Variants in PCOLCE2 observed in about 807,000 individuals in gnomAD.
PCOLCE2 encodes procollagen C-endopeptidase enhancer 2.
Under a neutral mutation model 47.0 loss-of-function variants are expected in PCOLCE2, and 42 were observed. The ratio of observed to expected loss-of-function variants is 0.89; its 90% confidence interval spans 0.70 to 1.16. The LOEUF is 1.16. Among genes scored for constraint, PCOLCE2 ranks in the 50% most tolerant of loss-of-function variants. PCOLCE2 has a pLI of 0.00. For missense variants in PCOLCE2, 500 were observed against 526.1 expected (o/e 0.95, Z 0.49); for synonymous variants, 169 against 191.7 (o/e 0.88, Z 0.98).
At chr3:142,869,269 C>T (rs1302339685) in intron 2 of PCOLCE2, among the ~76,000 whole-genome samples, 3 of 150,552 alleles carry the variant, frequency 2.0e-5, no homozygotes, top group Non-Finnish European at 4.4e-5. Context: ...CCAGCCTGGG[C>T]GACAGAGTGA....
chr3:142,879,970 C>CAAAAA (rs772887718), intron 2 of PCOLCE2, among the ~76,000 whole-genome samples: 1 of 53,520 alleles, frequency 1.9e-5, no homozygotes, highest in Admixed American at 2.0e-4. Flanking sequence ...GACTCCATCT[C>CAAAAA]AAAAAAAAAA....
chr3:142,836,282 T>C (rs915816336), intron 5 of PCOLCE2, among the ~76,000 whole-genome samples: 1 of 152,190 alleles, frequency 6.6e-6, no homozygotes, highest in African/African-American at 2.4e-5. Context: ...AGCTTACTTA[T>C]ATTGGTGTCA....
intron 2 of PCOLCE2, among the ~76,000 whole-genome samples, chr3:142,863,144 C>T (rs1025922589): frequency 4.2e-5 from 6 of 143,046 alleles, no homozygotes; most frequent in Admixed American, 1.4e-4. Context: ...TTTAATTTCA[C>T]AGCAGGCATT....
At chr3:142,880,399 T>C (rs1933590408) in intron 2 of PCOLCE2, among the ~76,000 whole-genome samples, 1 of 151,524 alleles carries the variant, frequency 6.6e-6, no homozygotes, top group Non-Finnish European at 1.5e-5. Context: ...GTTACAGTAA[T>C]TTTAGAACCC....
chr3:142,821,171 T>C, intron 7 of PCOLCE2, 126 bp from the exon 8 acceptor site: 1 of 708,920 alleles, frequency 1.4e-6, no homozygotes, highest in Non-Finnish European at 2.3e-6. Flanking sequence ...AAGGCCCTCA[T>C]AGAGGTTTCA....
In PCOLCE2 at chr3:142,848,425, G is replaced by C. The variant is rs201403616; in HGVS notation, c.240C>G (p.Leu80=). ...VVVLNFRFID[L]ESDNLCRYDF... is the part of the protein sequence containing the mutation. Reference sequence around the variant, plus strand: ...CATAGCGGCACAGGTTGTCACTCTCGAGGTCTATGAATCGGAAATTGAGAA... The same window carrying C: ...CATAGCGGCACAGGTTGTCACTCTCCAGGTCTATGAATCGGAAATTGAGAA... Residue 80 remains leucine (L), a synonymous_variant, in exon 3 of 9, where the codon CTC becomes CTG. Transcript: ENST00000295992. The C allele has an allele frequency of 6.3e-5, 102 of 1,608,598 alleles. No homozygotes were observed. The highest frequency in any genetic ancestry group is 8.3e-5 in the Non-Finnish European group (97 of 1,175,444).
chr3:142,870,159 A>G (rs886833137), intron 2 of PCOLCE2, among the ~76,000 whole-genome samples: 10 of 152,206 alleles, frequency 6.6e-5, no homozygotes, highest in Admixed American at 6.5e-4. Flanking sequence ...ACTCAAAATA[A>G]CAGGCTGTCA....
chr3:142,848,076 G>A (rs572649516), intron 3 of PCOLCE2, 141 bp downstream of exon 3: 15 of 747,520 alleles, frequency 2.0e-5, no homozygotes, highest in African/African-American at 7.0e-5. Flanking sequence ...CTGATTTTTT[G>A]TATTGGTCTC....
chr3:142,840,805 G>A (rs1475720634), intron 4 of PCOLCE2, among the ~76,000 whole-genome samples: 1 of 152,158 alleles, frequency 6.6e-6, no homozygotes, highest in Non-Finnish European at 1.5e-5. Context: ...GCTGGGCGTG[G>A]TGGCTCACGC....
chr3:142,882,751 T>A (rs1407804831), intron 2 of PCOLCE2, among the ~76,000 whole-genome samples: 1 of 151,786 alleles, frequency 6.6e-6, no homozygotes. Flanking sequence ...GGCCAGATCA[T>A]CGCCTTTTAA....
chr3:142,821,007 C>T lies in PCOLCE2; in HGVS notation c.988G>A (p.Gly330Arg). ...GTVITTITRD[G>R]SLHATVSIIN... ...ATCGAGACTGTGGCGTGCAAACTCC[C>T]ATCGCGAGTGATGGTTGTGATAACA... The change falls in exon 8 of 9, where the codon GGG becomes AGG. Residue 330 changes from glycine (G) to arginine (R), a missense_variant. Gly to Arg is a moderately radical substitution (Grantham distance 125). Coordinates refer to ENST00000295992, the MANE Select transcript of PCOLCE2 (RefSeq NM_013363.4). 1 of 1,613,572 alleles carries T rather than the reference C, an allele frequency of 6.2e-7. No homozygotes were observed. Among genetic ancestry groups the T allele is most frequent in the Non-Finnish European group, 8.5e-7 (1 of 1,179,568 alleles).
intron 2 of PCOLCE2, among the ~76,000 whole-genome samples, chr3:142,861,092 C>CT (rs1933174119): frequency 6.6e-6 from 1 of 152,336 alleles, no homozygotes; most frequent in Non-Finnish European, 1.5e-5. Flanking sequence ...CTGTACTCAA[C>CT]ACTTGTCTGC....
chr3:142,850,727 G>T (rs1328708768), intron 2 of PCOLCE2, among the ~76,000 whole-genome samples: 1 of 152,180 alleles, frequency 6.6e-6, no homozygotes, highest in Non-Finnish European at 1.5e-5. Context: ...ATGAGAAAAT[G>T]GGGTGAGAGG....
At chr3:142,868,777 C>T (rs1314410567) in intron 2 of PCOLCE2, among the ~76,000 whole-genome samples, 6 of 152,322 alleles carry the variant, frequency 3.9e-5, no homozygotes, top group Admixed American at 6.5e-5. Context: ...ATAAGAACCC[C>T]TTCCCCTCCC....
Position 142,838,792 on chromosome 3 carries a change from A to G in PCOLCE2, c.688T>C (p.Tyr230His). The G allele has an allele frequency of 6.2e-7, 1 of 1,613,780 alleles. No homozygotes were observed. ...EVNDARRIGKYCGDSPPAPIV... is the reference protein window; with the variant it reads ...EVNDARRIGKHCGDSPPAPIV... ...TACGCAGGTGGACTATCACCACAAT[A>G]CTTTCCAATTCTTCTAGCATCGTTG... The change falls in exon 5 of 9, where the codon TAT becomes CAT. Residue 230 changes from tyrosine to histidine, a missense_variant. Coordinates refer to ENST00000295992, the MANE Select transcript of PCOLCE2 (RefSeq NM_013363.4).
intron 6 of PCOLCE2, 118 bp downstream of exon 6, chr3:142,829,574 G>A: frequency 1.4e-6 from 1 of 718,742 alleles, no homozygotes; most frequent in Non-Finnish European, 2.2e-6. Flanking sequence ...TCTTACCAAA[G>A]CTTTCATCCT....
chr3:142,858,517 C>T (rs932767377), intron 2 of PCOLCE2, among the ~76,000 whole-genome samples: 23 of 152,176 alleles, frequency 1.5e-4, no homozygotes, highest in African/African-American at 4.1e-4. Flanking sequence ...CATATATGTG[C>T]GTGCGTGTGT....
At chr3:142,857,876 C>G (rs1560137141) in intron 2 of PCOLCE2, among the ~76,000 whole-genome samples, 1 of 152,342 alleles carries the variant, frequency 6.6e-6, no homozygotes, top group East Asian at 1.9e-4. Flanking sequence ...TGGGCCCACC[C>G]CAGGCTAACA....
intron 2 of PCOLCE2, among the ~76,000 whole-genome samples, chr3:142,869,153 T>C (rs1433595565): frequency 6.6e-6 from 1 of 151,698 alleles, no homozygotes; most frequent in Non-Finnish European, 1.5e-5. Context: ...TAGCCGGGCG[T>C]GGTGGCGGGC....
Sources: gnomAD v4.1 joint callset for allele counts (sites outside exome capture counted in the v4.1 genomes callset) on GRCh38, gnomAD v4.1.1 for gene constraint, MANE v1.5 for transcripts, NCBI Gene and HGNC (gene_info 2026-07-23, HGNC 2026-07-21) for gene names.